TYW1: variants seen among roughly 807,000 people sequenced by gnomAD.
The protein encoded by TYW1 is tRNA-yW synthesizing protein 1 homolog.
In TYW1, 46 loss-of-function variants were observed where a neutral mutation model predicts 96.2. That is an observed-to-expected ratio of 0.48 (90% CI 0.38 to 0.61). TYW1 has a LOEUF of 0.61. Ranked by LOEUF, TYW1 falls within the 20% of genes least tolerant of loss-of-function variation. TYW1 has a pLI of 0.00. For missense variants in TYW1, 684 were observed against 909.6 expected (o/e 0.75, Z 3.19); for synonymous variants, 274 against 323.0 (o/e 0.85, Z 1.63).
chr7:67,041,271 CTT>C (rs1795009939), intron 7 of TYW1, among the ~76,000 whole-genome samples: 1 of 151,992 alleles, frequency 6.6e-6, no homozygotes, highest in Non-Finnish European at 1.5e-5. Context: ...TACTGCTTGG[CTT>C]TTCTTTTTCT....
At chr7:67,230,675 C>T (rs1315769867) in intron 15 of TYW1, among the ~76,000 whole-genome samples, 1 of 89,648 alleles carries the variant, frequency 1.1e-5, no homozygotes, top group African/African-American at 6.0e-5. Context: ...TTTTTTGAGG[C>T]GGAGTCTTGC....
chr7:67,030,372 G>C (rs1794631569), intron 7 of TYW1, among the ~76,000 whole-genome samples: 1 of 152,170 alleles, frequency 6.6e-6, no homozygotes, highest in African/African-American at 2.4e-5. Context: ...GCTCATGCCT[G>C]TAATCCCAGC....
chr7:67,153,929 T>A, intron 13 of TYW1, among the ~76,000 whole-genome samples: 1 of 148,362 alleles, frequency 6.7e-6, no homozygotes, highest in African/African-American at 2.5e-5. Context: ...GACTTTCTTT[T>A]TTTTTTTTTT....
chr7:66,998,412 T>TA (rs1229581591), intron 2 of TYW1, among the ~76,000 whole-genome samples: 1 of 152,224 alleles, frequency 6.6e-6, no homozygotes, highest in African/African-American at 2.4e-5. Flanking sequence ...ATTTTTAAGA[T>TA]ACAGGAAGAT....
At chr7:67,177,142 T>A (rs569287123) in intron 13 of TYW1, among the ~76,000 whole-genome samples, 3 of 152,336 alleles carry the variant, frequency 2.0e-5, no homozygotes, top group Admixed American at 2.0e-4. Context: ...AATGATTCTA[T>A]CATATTTATT....
chr7:67,209,593 G>T (rs1208169235), intron 15 of TYW1, among the ~76,000 whole-genome samples: 1 of 151,928 alleles, frequency 6.6e-6, no homozygotes, highest in Non-Finnish European at 1.5e-5. Flanking sequence ...TATTTTTTGA[G>T]ACAGAGTCTT....
chr7:67,063,569 C>T (rs956962608), intron 9 of TYW1, among the ~76,000 whole-genome samples: 9 of 151,462 alleles, frequency 5.9e-5, no homozygotes, highest in Non-Finnish European at 1.0e-4. Context: ...AGCAAGGTTA[C>T]AGGATACAAT....
In TYW1 at chr7:67,072,957, T is replaced by A. The variant is rs1339027791; in HGVS notation, c.1274+5554T>A. On this transcript the variant is annotated intron_variant, in intron 10 of 15. Coordinates refer to ENST00000359626, the MANE Select transcript of TYW1 (RefSeq NM_018264.4). ...CAGTTTTTTTTTTTTTTTTTTTTTTTTTTTTTTATAGAGACAGGGTCTTGC... is the reference window on the plus strand; with the variant it reads ...CAGTTTTTTTTTTTTTTTTTTTTTTATTTTTTTATAGAGACAGGGTCTTGC... Among the ~76,000 whole-genome samples the A allele has an allele frequency of 4.8e-4, 64 of 133,884 alleles. 1 individual carries two copies. The South Asian group carries it at 0.015, about 31-fold the overall frequency. The allele number at this position is 133,884 out of a possible 152,430, so 87.8% of individuals were successfully genotyped here. A position where few individuals can be genotyped will look rare whatever the true frequency, so the allele number is the denominator to read the frequency against.
intron 10 of TYW1, among the ~76,000 whole-genome samples, chr7:67,069,971 C>T (rs1795983043): frequency 6.6e-6 from 1 of 152,182 alleles, no homozygotes; most frequent in Non-Finnish European, 1.5e-5. Context: ...CTTAATGTCT[C>T]CTTCAGTTTT....
chr7:67,029,337 A>G (rs1794567451), intron 7 of TYW1, among the ~76,000 whole-genome samples: 1 of 141,570 alleles, frequency 7.1e-6, no homozygotes. Context: ...AGATTTAAAA[A>G]AATGTGCATT....
chr7:67,208,261 C>T (rs1243297216), intron 15 of TYW1, among the ~76,000 whole-genome samples: 1 of 152,002 alleles, frequency 6.6e-6, no homozygotes, highest in Middle Eastern at 3.2e-3. Context: ...ACAGTGGTTG[C>T]AGTGAGCAGA....
chr7:67,167,881 A>G (rs1426530317), intron 13 of TYW1, among the ~76,000 whole-genome samples: 2 of 151,890 alleles, frequency 1.3e-5, no homozygotes, highest in Admixed American at 6.6e-5. Context: ...CAGCCTCCCA[A>G]GTAGCTGGGA....
Position 67,145,150 on chromosome 7 carries a change from CTTTTTTT to C in TYW1, c.1698+27543_1698+27549del, listed in dbSNP as rs201330239. ...TGGGCATTTTACCCTGTTTTAGTTT[CTTTTTTT>C]TTTTTTTTTTGAAACGAGTCTCGCT... On this transcript the variant is annotated intron_variant, in intron 13 of 15. Coordinates refer to ENST00000359626, the MANE Select transcript of TYW1 (RefSeq NM_018264.4). Among the ~76,000 whole-genome samples the C allele has an allele frequency of 4.4e-4, 51 of 115,028 alleles. 1 individual carries two copies. In the East Asian group the frequency reaches 6.2e-3, roughly 14 times the overall value. The allele number at this position is 115,028 out of a possible 152,430, so 75.5% of individuals were successfully genotyped here.
chr7:67,015,024 A>G (rs1793969330), intron 5 of TYW1, among the ~76,000 whole-genome samples: 1 of 147,130 alleles, frequency 6.8e-6, no homozygotes. Context: ...TTTTTTGGAA[A>G]CAGAGTCTTG....
chr7:67,083,708 C>T (rs1356289657), intron 11 of TYW1, among the ~76,000 whole-genome samples, 169 bp downstream of exon 11: 1 of 152,190 alleles, frequency 6.6e-6, no homozygotes, highest in Admixed American at 6.5e-5. Flanking sequence ...TTAGCTTTTA[C>T]GTCCCATATG....
chr7:67,020,099 A>G (rs1794193314), intron 6 of TYW1, among the ~76,000 whole-genome samples: 3 of 152,294 alleles, frequency 2.0e-5, no homozygotes, highest in African/African-American at 7.2e-5. Flanking sequence ...GCTTACAGCC[A>G]GTGTGGAGGC....
chr7:67,210,089 G>A (rs1053505108), intron 15 of TYW1, among the ~76,000 whole-genome samples: 2 of 152,128 alleles, frequency 1.3e-5, no homozygotes, highest in Non-Finnish European at 2.9e-5. Context: ...TTTACCTAAT[G>A]TCCTTTTTCT....
intron 13 of TYW1, among the ~76,000 whole-genome samples, chr7:67,138,004 T>C (rs1798322595): frequency 6.6e-6 from 1 of 152,214 alleles, no homozygotes; most frequent in Non-Finnish European, 1.5e-5. Context: ...GCTACCGATC[T>C]GGACTAGGCC....
chr7:67,014,510 A>T lies in TYW1; in HGVS notation c.519A>T (p.Arg173Ser), dbSNP rs144311273. 1 of 1,613,770 alleles carries T rather than the reference A, an allele frequency of 6.2e-7. No homozygotes were observed. The highest frequency in any genetic ancestry group is 1.3e-5 in the African/African-American group (1 of 74,914). ...GCAAAACTTACCTGAAGGGTATGAG[A>T]TATGCGGTATTTGGCCTGGGAAATT... ...RFGKTYLKGM[R>S]YAVFGLGNSA... Residue 173 changes from arginine to serine, a missense_variant, in exon 5 of 16, where the codon AGA becomes AGT. By Grantham distance (110) the Arg-to-Ser change is moderately radical. Coordinates refer to ENST00000359626, the MANE Select transcript of TYW1 (RefSeq NM_018264.4).
Sources: allele counts gnomAD v4.1 joint callset (sites outside exome capture counted in the v4.1 genomes callset), GRCh38; gene constraint gnomAD v4.1.1; transcripts MANE v1.5; gene names NCBI Gene and HGNC (gene_info 2026-07-23, HGNC 2026-07-21).